The following ABCG8 variants were observed in gnomAD, a reference collection of about 807,000 sequenced individuals.
ABCG8 encodes ATP binding cassette subfamily G member 8, also known as ATP-binding cassette sub-family G member 8.
Under a neutral mutation model 71.3 loss-of-function variants are expected in ABCG8, and 81 were observed. That is an observed-to-expected ratio of 1.14 (90% CI 0.95 to 1.37). The LOEUF (loss-of-function observed/expected upper bound fraction) is 1.37, where lower values mean the gene tolerates loss of function less well. ABCG8 is among the 40% of genes most tolerant of loss of function. The pLI is 0.00. For synonymous variants in ABCG8, 451 were observed against 354.7 expected (o/e 1.27, Z -3.05); for missense variants, 1,119 against 866.2 (o/e 1.29, Z -3.66).
At chr2:43,873,583 A>G (rs1669853021) in intron 8 of ABCG8, among the ~76,000 whole-genome samples, 1 of 152,166 alleles carries the variant, frequency 6.6e-6, no homozygotes, top group Non-Finnish European at 1.5e-5. Context: ...TGATAAAAGT[A>G]ACAATCATTT....
intron 1 of ABCG8, 68 bp from the exon 2 acceptor site, chr2:43,844,439 C>A: frequency 7.5e-7 from 1 of 1,341,876 alleles, no homozygotes; most frequent in Non-Finnish European, 1.1e-6. Flanking sequence ...CTGTTGGTTT[C>A]CTTCTTGTCT....
In ABCG8 at chr2:43,877,663, T is replaced by G; in HGVS notation, c.1859T>G (p.Leu620Arg). ...ACTTATAAAATGCCTCTCGGGAACC[T>G]CACCATCGCGGTCTCAGGAGATAAA... ...RRTYKMPLGN[L>R]TIAVSGDKIL... is the part of the protein sequence containing the mutation. Residue 620 changes from leucine to arginine, a missense_variant, in exon 12 of 13, where the codon CTC becomes CGC. By Grantham distance (102) the Leu-to-Arg change is moderately radical. Transcript: ENST00000272286. The G allele has an allele frequency of 6.2e-7, 1 of 1,614,118 alleles. No individual in the cohort carries two copies. Among genetic ancestry groups the G allele is most frequent in the Non-Finnish European group, 8.5e-7 (1 of 1,180,020 alleles).
At position 43,872,028 on chromosome 2, in the gene ABCG8, G is replaced by C; in HGVS notation, c.1017G>C (p.Arg339Ser). The C allele has an allele frequency of 1.2e-6, 2 of 1,614,116 alleles. No individual in the cohort carries two copies. The highest frequency in any genetic ancestry group is 2.2e-5 in the East Asian group (1 of 44,884). ...GCAGAGAGCAGGAATTGGCCACCAGGGAGAAGGCTCAGTCACTCGCAGCCC... is the reference window on the plus strand; with the variant it reads ...GCAGAGAGCAGGAATTGGCCACCAGCGAGAAGGCTCAGTCACTCGCAGCCC... ...RRSREQELAT[R>S]EKAQSLAALF... The change falls in exon 7 of 13, where the codon AGG (arginine) becomes AGC (serine). Residue 339 changes from arginine (R) to serine (S), a missense_variant. Physicochemically the swap from Arg to Ser is moderately radical, Grantham distance 110. Transcript: ENST00000272286.
At chr2:43,870,615 G>A (rs1252143853) in intron 6 of ABCG8, among the ~76,000 whole-genome samples, 2 of 151,996 alleles carry the variant, frequency 1.3e-5, no homozygotes, top group Non-Finnish European at 2.9e-5. Context: ...CTCACTCTCT[G>A]GATAGAACTC....
chr2:43,852,266 G>C (rs1342813229), intron 4 of ABCG8, 88 bp from the exon 5 acceptor site: 5 of 1,585,782 alleles, frequency 3.2e-6, no homozygotes, highest in Non-Finnish European at 4.3e-6. Context: ...CCAGCCGGAG[G>C]AGCGGGCGCC....
At chr2:43,861,328 A>T (rs1009225863) in intron 6 of ABCG8, among the ~76,000 whole-genome samples, 2 of 151,178 alleles carry the variant, frequency 1.3e-5, no homozygotes, top group Non-Finnish European at 3.0e-5. Context: ...CTCACTATCT[A>T]TCTGGATAGA....
chr2:43,875,286 G>T lies in ABCG8; in HGVS notation c.1629G>T (p.Arg543Ser), dbSNP rs201690654. ...LLVWLVVFCC[R>S]IMALAAAALL... is the part of the protein sequence containing the mutation. ...TGTGGCTGGTGGTCTTCTGTTGCAG[G>T]ATTATGGCCCTGGCCGCCGCGGCCC... The change falls in exon 11 of 13, where the codon AGG becomes AGT. Residue 543 changes from arginine (R) to serine (S), a missense_variant. By Grantham distance (110) the Arg-to-Ser change is moderately radical. Transcript: ENST00000272286. 4.2e-4 allele frequency: 674 copies of T among 1,614,184 alleles called. 1 individual carries two copies. Among genetic ancestry groups the T allele is most frequent in the Non-Finnish European group, 5.1e-4 (606 of 1,180,024 alleles).
intron 1 of ABCG8, among the ~76,000 whole-genome samples, chr2:43,842,324 A>C (rs1341017534): frequency 6.6e-6 from 1 of 152,210 alleles, no homozygotes; most frequent in African/African-American, 2.4e-5. Context: ...GCAATGGCTA[A>C]GATTTTTTGA....
intron 6 of ABCG8, among the ~76,000 whole-genome samples, chr2:43,860,076 ACC>A (rs1669253278): frequency 6.8e-6 from 1 of 146,734 alleles, no homozygotes; most frequent in South Asian, 2.2e-4. Context: ...TAGAATTCTC[ACC>A]CTCTGGACAG....
At chr2:43,854,726 A>T (rs916862041) in intron 6 of ABCG8, among the ~76,000 whole-genome samples, 1 of 149,036 alleles carries the variant, frequency 6.7e-6, no homozygotes, top group African/African-American at 2.5e-5. Flanking sequence ...GAATGAAGGG[A>T]GGGTGGGCAG....
rs896851171 is a variant in ABCG8 at position 43,882,933 on chromosome 2, A to T, written c.*5020A>T. The stretch of plus-strand genomic sequence containing the variant: ...AAATTGGAAATATTCTTGTTTCCCC[A>T]AACTGCTAATAAGCTCTACTGACCC... On this transcript the variant is annotated 3_prime_UTR_variant, in exon 13 of 13. Coordinates refer to ENST00000272286, the MANE Select transcript of ABCG8 (RefSeq NM_022437.3). 2.0e-5 allele frequency: 3 copies of T among 152,234 alleles called. No homozygotes were observed. The highest frequency in any genetic ancestry group is 7.2e-5 in the African/African-American group (3 of 41,458). The allele number at this position is 152,234 out of a possible 1,614,324, so 9.4% of individuals were successfully genotyped here. A position where few individuals can be genotyped will look rare whatever the true frequency, so the allele number is the denominator to read the frequency against.
intron 2 of ABCG8, among the ~76,000 whole-genome samples, chr2:43,845,869 G>T (rs1294563674): frequency 6.6e-6 from 1 of 152,154 alleles, no homozygotes; most frequent in African/African-American, 2.4e-5. Context: ...TGATCCACCT[G>T]CCTCAGCCTT....
intron 1 of ABCG8, among the ~76,000 whole-genome samples, chr2:43,843,800 A>AT (rs1668653960): frequency 1.3e-5 from 2 of 152,158 alleles, no homozygotes; most frequent in Admixed American, 6.6e-5. Flanking sequence ...TGAAACATTG[A>AT]TTTTTTAATG....
rs1163412706 is a variant in ABCG8, at chr2:43,877,706, C to T, written c.1884+18C>T. 1.6e-5 allele frequency: 26 copies of T among 1,614,066 alleles called. No individual in the cohort carries two copies. The highest frequency in any genetic ancestry group is 2.2e-5 in the Non-Finnish European group (26 of 1,180,006). ...GAGATAAAGTAAGCGGGGAAGGCCT[C>T]GGGTTCTAAATTATTGGACGTCCGG... is the stretch of plus-strand genomic sequence containing the variant. On this transcript the variant is annotated intron_variant, in intron 12 of 12. Transcript: ENST00000272286.
At chr2:43,876,852 C>A (rs955983001) in intron 11 of ABCG8, among the ~76,000 whole-genome samples, 4 of 101,092 alleles carry the variant, frequency 4.0e-5, no homozygotes, top group African/African-American at 1.6e-4. Flanking sequence ...AGGAGATCGT[C>A]GGAATATGGG....
rs370365963 is a variant in ABCG8 at position 43,873,736 on chromosome 2, C to T, written c.1212-51C>T. The T allele has an allele frequency of 4.5e-5, 72 of 1,584,026 alleles. 1 individual carries two copies. Among genetic ancestry groups the T allele is most frequent in the South Asian group, 1.8e-4 (16 of 90,238 alleles). ...GGAGACTGTGACATTCCCAGGGTCA[C>T]GGGGCTGGTGTATGCTGTTGCCTCA... On this transcript the variant is annotated intron_variant, in intron 8 of 12. Transcript: ENST00000272286.
At chr2:43,845,094 G>GTATA (rs1227569731) in intron 2 of ABCG8, among the ~76,000 whole-genome samples, 21 of 121,396 alleles carry the variant, frequency 1.7e-4, no homozygotes, top group African/African-American at 6.5e-4. Flanking sequence ...GTGTGTGTGT[G>GTATA]TGTGTATATA....
In ABCG8 at chr2:43,871,965, C is replaced by A. The variant is rs748803910; in HGVS notation, c.965-11C>A. On this transcript the variant is annotated splice_polypyrimidine_tract_variant and intron_variant, in intron 6 of 12. Transcript: ENST00000272286. Reference sequence around the variant, plus strand: ...ACAGGCCACCTGTGACTCCACATCCCCTGCTTGCAGTGGACCTGACCAGCA... The same window carrying A: ...ACAGGCCACCTGTGACTCCACATCCACTGCTTGCAGTGGACCTGACCAGCA... 1 of 1,613,986 alleles carries A rather than the reference C, an allele frequency of 6.2e-7. No individual in the cohort carries two copies. Among genetic ancestry groups the A allele is most frequent in the South Asian group, 1.1e-5 (1 of 91,086 alleles).
rs1670107861 is a variant in ABCG8 at position 43,880,677 on chromosome 2, C to CGT, written c.*2765_*2766insTG. 6.6e-6 allele frequency: 1 copy of CGT among 152,236 alleles called. No homozygotes were observed. The highest frequency in any genetic ancestry group is 2.4e-5 in the African/African-American group (1 of 41,414). The allele number at this position is 152,236 out of a possible 1,614,324, so 9.4% of individuals were successfully genotyped here. ...GTGTGTGTGTGTGCGCGCGCGCGCGCGCATGTGCATACATATACACCTAAG... is the reference window on the plus strand; with the variant it reads ...GTGTGTGTGTGTGCGCGCGCGCGCGCGTGCATGTGCATACATATACACCTAAG... On this transcript the variant is annotated 3_prime_UTR_variant, in exon 13 of 13. Transcript: ENST00000272286.
Sources: allele counts gnomAD v4.1 joint callset (sites outside exome capture counted in the v4.1 genomes callset), GRCh38; gene constraint gnomAD v4.1.1; transcripts MANE v1.5; gene names NCBI Gene and HGNC (gene_info 2026-07-23, HGNC 2026-07-21).